PRKDC: variants seen among roughly 807,000 people sequenced by gnomAD.
PRKDC encodes protein kinase, DNA-activated, catalytic subunit.
In PRKDC, 82 loss-of-function variants were observed where a neutral mutation model predicts 486.9. The observed-to-expected ratio is 0.17, with a 90% confidence interval of 0.14 to 0.20. The LOEUF (loss-of-function observed/expected upper bound fraction) is 0.20. Among genes scored for constraint, PRKDC ranks in the 10% least tolerant of loss-of-function variants. The pLI, the probability that PRKDC is intolerant of heterozygous loss-of-function variation, is 1.00. For synonymous variants in PRKDC, 1,895 were observed against 1,837.0 expected, an observed-to-expected ratio of 1.03 and a Z score of -0.81; for missense variants, 4,504 against 5,038.2, an observed-to-expected ratio of 0.89 and a Z score of 3.21.
intron 21 of PRKDC, among the ~76,000 whole-genome samples, chr8:47,926,666 C>A (rs1176127989): frequency 1.3e-5 from 2 of 152,124 alleles, no homozygotes; most frequent in Non-Finnish European, 2.9e-5. Context: ...CTTTTCTTGA[C>A]TAGTAATATT....
At chr8:47,904,417 C>A (rs1384607941) in intron 26 of PRKDC, among the ~76,000 whole-genome samples, 1 of 152,206 alleles carries the variant, frequency 6.6e-6, no homozygotes, top group African/African-American at 2.4e-5. Context: ...ACCATGCCAG[C>A]TAATTTTTCT....
At chr8:47,832,121 G>A (rs1353498368) in intron 59 of PRKDC, among the ~76,000 whole-genome samples, 195 bp from the exon 60 acceptor site, 1 of 152,216 alleles carries the variant, frequency 6.6e-6, no homozygotes, top group Non-Finnish European at 1.5e-5. Context: ...AGCGCTGAAC[G>A]GGCCAGGCCC....
intron 38 of PRKDC, among the ~76,000 whole-genome samples, chr8:47,881,059 AAAGAAAGC>A (rs796463191): frequency 0.11 from 15,889 of 148,462 alleles, 1,283 homozygotes; most frequent in African/African-American, 0.2. Context: ...AAAAAAAAAA[AAAGAAAGC>A]AAGAAAGCAA....
chr8:47,852,811 G>A (rs2088440896), intron 51 of PRKDC, 27 bp from the exon 52 acceptor site: 2 of 1,364,910 alleles, frequency 1.5e-6, no homozygotes, highest in East Asian at 2.5e-5. Flanking sequence ...AAAGACATAT[G>A]CATCAAATAA....
In PRKDC at chr8:47,859,602, T is replaced by C. The variant is rs767380084; in HGVS notation, c.6207+9A>G. 1.2e-6 allele frequency: 2 copies of C among 1,610,854 alleles called. No homozygotes were observed. The highest frequency in any genetic ancestry group is 1.1e-5 in the South Asian group (1 of 90,660). ...GACAATATTCTTTTAGTATGTGAAATGTGATCACCCGTCTCCGAAAACGAC... is the reference window on the plus strand; with the variant it reads ...GACAATATTCTTTTAGTATGTGAAACGTGATCACCCGTCTCCGAAAACGAC... On this transcript the variant is annotated intron_variant, in intron 46 of 85. Coordinates refer to ENST00000314191, the MANE Select transcript of PRKDC (RefSeq NM_006904.7).
chr8:47,912,208 T>C (rs1347860067), intron 25 of PRKDC, among the ~76,000 whole-genome samples: 1 of 152,060 alleles, frequency 6.6e-6, no homozygotes, highest in African/African-American at 2.4e-5. Flanking sequence ...CGAGACACAC[T>C]GAAAGTGGAG....
intron 63 of PRKDC, among the ~76,000 whole-genome samples, chr8:47,825,529 A>AAAAAAAAAAAAAAC (rs2087719262): frequency 6.6e-6 from 1 of 151,492 alleles, no homozygotes; most frequent in African/African-American, 2.4e-5. Flanking sequence ...AAAAAAAAAA[A>AAAAAAAAAAAAAAC]AAAAGCTAAA....
chr8:47,905,725 AAAG>A (rs1405198441), intron 25 of PRKDC, among the ~76,000 whole-genome samples: 1 of 152,170 alleles, frequency 6.6e-6, no homozygotes, highest in Non-Finnish European at 1.5e-5. Context: ...ACTGCTGCCA[AAAG>A]GAGGGAGGAA....
intron 83 of PRKDC, 84 bp from the exon 84 acceptor site, chr8:47,777,958 G>A: frequency 8.1e-7 from 1 of 1,237,632 alleles, no homozygotes; most frequent in Non-Finnish European, 1.2e-6. Context: ...TCCTCACATA[G>A]TTACTGTTCA....
chr8:47,823,926 T>C lies in PRKDC; in HGVS notation c.8854A>G (p.Ile2952Val). 6.2e-7 allele frequency: 1 copy of C among 1,613,922 alleles called. No homozygotes were observed. The highest frequency in any genetic ancestry group is 8.5e-7 in the Non-Finnish European group (1 of 1,179,842). The change falls in exon 64 of 86, where the codon ATC becomes GTC. Residue 2952 changes from isoleucine to valine, a missense_variant. By Grantham distance (29) the Ile-to-Val change is conservative. Transcript: ENST00000314191. ...TCTGCTAATAATGCACTCTGAGTGA[T>C]TTGCTTTGTTCCTATCTCACTGGTA... ...IFTSEIGTKQ[I>V]TQSALLAEAR...
intron 61 of PRKDC, 46 bp from the exon 62 acceptor site, chr8:47,828,393 A>G: frequency 6.8e-7 from 1 of 1,475,964 alleles, no homozygotes; most frequent in Middle Eastern, 2.3e-4. Flanking sequence ...TGAAGCAAAA[A>G]TGCTATAAAT....
intron 54 of PRKDC, among the ~76,000 whole-genome samples, chr8:47,845,953 C>A (rs2088253673): frequency 6.6e-6 from 1 of 152,196 alleles, no homozygotes; most frequent in Non-Finnish European, 1.5e-5. Flanking sequence ...CAAATTGAAT[C>A]CAACAACACA....
chr8:47,944,972 G>T (rs1472571502), intron 7 of PRKDC, among the ~76,000 whole-genome samples: 2 of 152,230 alleles, frequency 1.3e-5, no homozygotes, highest in African/African-American at 4.8e-5. Flanking sequence ...TTCTGACTAT[G>T]AGTATTCTAT....
At chr8:47,920,598 T>G (rs2090055492) in intron 21 of PRKDC, among the ~76,000 whole-genome samples, 1 of 152,190 alleles carries the variant, frequency 6.6e-6, no homozygotes, top group African/African-American at 2.4e-5. Flanking sequence ...CAGAAAACAA[T>G]TTGGGATCAT....
chr8:47,860,553 G>A (rs977761390), intron 45 of PRKDC, among the ~76,000 whole-genome samples: 5 of 152,170 alleles, frequency 3.3e-5, no homozygotes, highest in Non-Finnish European at 7.4e-5. Flanking sequence ...GTATTCTAAT[G>A]TAGACTTCTG....
chr8:47,834,229 G>A lies in PRKDC; in HGVS notation c.8119C>T (p.Leu2707Phe). 1.9e-6 allele frequency: 3 copies of A among 1,614,014 alleles called. No individual in the cohort carries two copies. The highest frequency in any genetic ancestry group is 2.5e-6 in the Non-Finnish European group (3 of 1,179,888). ...GPDFGKKRLG[L>F]PGDEVDNKVK... is the part of the protein sequence containing the mutation. ...TTGTTATCCACCTCGTCCCCTGGAAGGCCCAGCCTTTTTTTCCCAAAATCA... is the reference window on the plus strand; with the variant it reads ...TTGTTATCCACCTCGTCCCCTGGAAAGCCCAGCCTTTTTTTCCCAAAATCA... Residue 2707 changes from leucine (L) to phenylalanine (F), a missense_variant, in exon 59 of 86, where the codon CTT becomes TTT. This residue lies in a region of PRKDC where 1,592 missense variants were observed against 1,724.6 expected (regional missense o/e 0.92). Transcript: ENST00000314191.
At chr8:47,874,252 A>G (rs949084704) in intron 40 of PRKDC, among the ~76,000 whole-genome samples, 12 of 151,948 alleles carry the variant, frequency 7.9e-5, no homozygotes, top group East Asian at 5.8e-4. Flanking sequence ...CCTAGCCAAT[A>G]TTTTACATTT....
intron 30 of PRKDC, 113 bp from the exon 31 acceptor site, chr8:47,893,500 C>T (rs2089508539): frequency 8.8e-7 from 1 of 1,131,756 alleles, no homozygotes; most frequent in Admixed American, 3.6e-5. Flanking sequence ...TTTTACTACG[C>T]ATTCAACTTG....
intron 42 of PRKDC, 74 bp downstream of exon 42, chr8:47,863,325 T>A (rs944685854): frequency 3.2e-6 from 4 of 1,244,286 alleles, no homozygotes; most frequent in Non-Finnish European, 4.5e-6. Context: ...ATTCACACTA[T>A]ATACATACAT....
Sources: allele counts gnomAD v4.1 joint callset (sites outside exome capture counted in the v4.1 genomes callset), GRCh38; gene constraint gnomAD v4.1.1; regional missense constraint gnomAD v4.1.1; transcripts MANE v1.5; gene names NCBI Gene and HGNC (gene_info 2026-07-23, HGNC 2026-07-21).